PDSS1: variants seen among roughly 807,000 people sequenced by gnomAD.
PDSS1 encodes all trans-polyprenyl-diphosphate synthase PDSS1.
A neutral mutation model predicts 57.5 loss-of-function variants in PDSS1; 43 were observed. The ratio of observed to expected loss-of-function variants is 0.75; its 90% CI spans 0.59 to 0.96. PDSS1 has a LOEUF of 0.96. Among genes scored for constraint, PDSS1 ranks in the 50% least tolerant of loss-of-function variants. The probability of loss-of-function intolerance (pLI) is 0.00; values close to 1 mark genes in which losing one functional copy is unlikely to be tolerated. For missense variants in PDSS1, 438 were observed against 527.8 expected, an observed-to-expected ratio of 0.83 and a Z score of 1.67; for synonymous variants, 175 against 191.3, an observed-to-expected ratio of 0.91 and a Z score of 0.70.
chr10:26,714,612 G>A (rs1835504700), intron 5 of PDSS1: 1 of 152,216 alleles, frequency 6.6e-6, no homozygotes, highest in African/African-American at 2.4e-5. Context: ...CCTCATTGAA[G>A]ACACTGTTAT....
intron 10 of PDSS1, among the ~76,000 whole-genome samples, chr10:26,738,929 A>G (rs1409130756): frequency 6.6e-6 from 1 of 152,250 alleles, no homozygotes; most frequent in African/African-American, 2.4e-5. Context: ...CTCTTTAAGA[A>G]TAAAAACCTC....
At chr10:26,728,257 C>T (rs1041126988) in intron 8 of PDSS1, among the ~76,000 whole-genome samples, 7 of 152,018 alleles carry the variant, frequency 4.6e-5, no homozygotes, top group African/African-American at 9.7e-5. Context: ...TTTGGGAGGC[C>T]GAGGCAGGTA....
chr10:26,703,757 C>T (rs1439895776), intron 2 of PDSS1, among the ~76,000 whole-genome samples: 1 of 152,038 alleles, frequency 6.6e-6, no homozygotes, highest in Non-Finnish European at 1.5e-5. Flanking sequence ...ACTACTTTGA[C>T]TGGTGTCTGG....
At chr10:26,707,111 A>G (rs1426753657) in intron 4 of PDSS1, among the ~76,000 whole-genome samples, 1 of 152,080 alleles carries the variant, frequency 6.6e-6, no homozygotes, top group Non-Finnish European at 1.5e-5. Context: ...GGCTGCCCGC[A>G]TGCGCAGTGG....
intron 10 of PDSS1, among the ~76,000 whole-genome samples, chr10:26,737,107 A>G (rs1486370995): frequency 6.6e-6 from 1 of 152,240 alleles, no homozygotes; most frequent in Non-Finnish European, 1.5e-5. Flanking sequence ...ACCTAGGCTC[A>G]GATTATCAGG....
At chr10:26,735,643 C>G in intron 10 of PDSS1, 64 bp downstream of exon 10, 1 of 903,172 alleles carries the variant, frequency 1.1e-6, no homozygotes, top group Non-Finnish European at 1.9e-6. Flanking sequence ...TGTCCCGCGG[C>G]ACAGCTGATG....
intron 1 of PDSS1, among the ~76,000 whole-genome samples, chr10:26,700,214 C>T (rs1273172494): frequency 2.0e-5 from 3 of 151,328 alleles, no homozygotes; most frequent in East Asian, 3.9e-4. Context: ...TTGTGTTGGC[C>T]AGGTTGGTCT....
intron 1 of PDSS1, among the ~76,000 whole-genome samples, chr10:26,699,641 C>G (rs1834984335): frequency 1.3e-5 from 2 of 152,062 alleles, no homozygotes; most frequent in African/African-American, 4.8e-5. Context: ...GTGATCCACC[C>G]CCTCCTCGGC....
intron 4 of PDSS1, among the ~76,000 whole-genome samples, chr10:26,706,428 C>T (rs769145096): frequency 2.0e-5 from 3 of 152,196 alleles, no homozygotes; most frequent in Non-Finnish European, 4.4e-5. Context: ...TGCGCCTTCT[C>T]TGGCGATTGC....
intron 1 of PDSS1, among the ~76,000 whole-genome samples, chr10:26,698,949 C>T (rs572119501): frequency 6.6e-6 from 1 of 152,270 alleles, no homozygotes; most frequent in South Asian, 2.1e-4. Context: ...CATAGCAAGA[C>T]TCTGTCTCTA....
chr10:26,727,535 G>T (rs1835999857), intron 8 of PDSS1, among the ~76,000 whole-genome samples: 1 of 144,796 alleles, frequency 6.9e-6, no homozygotes, highest in African/African-American at 2.6e-5. Flanking sequence ...TCGCTCTGTT[G>T]CCCAGGCTGG....
At chr10:26,697,961 T>G in intron 1 of PDSS1, 121 bp downstream of exon 1, 1 of 942,792 alleles carries the variant, frequency 1.1e-6, no homozygotes, top group African/African-American at 1.7e-5. Context: ...GCGGGGTAGC[T>G]CCGGGGTAGC....
rs1203931422 is a variant in PDSS1 at position 26,704,083 on chromosome 10, C to CAAAAA, written c.163-579_163-575dup. On this transcript the variant is annotated intron_variant, in intron 2 of 11. Transcript: ENST00000376215. ...GACGACAGAACGAGACTCCGTCTCA[C>CAAAAA]AAAAAAAAAAAAAAAAAAATATGGC... 6.8e-4 allele frequency among the ~76,000 whole-genome samples: 21 copies of CAAAAA among 31,064 alleles called. 2 individuals carry two copies. In the East Asian group the frequency reaches 0.011, roughly 16 times the overall value. The allele number at this position is 31,064 out of a possible 152,430, so 20.4% of individuals were successfully genotyped here. A position where few individuals can be genotyped will look rare whatever the true frequency, so the allele number is the denominator to read the frequency against.
chr10:26,702,594 G>A lies in PDSS1; in HGVS notation c.162+400G>A, dbSNP rs543124929. 1.1e-4 allele frequency among the ~76,000 whole-genome samples: 17 copies of A among 152,266 alleles called. No homozygotes were observed. In the South Asian group the frequency reaches 2.1e-3, roughly 19 times the overall value. ...TAAGTTTCTTGAGGCCTCCCTAGCCGTTTGGAACTGTGAGTCAGTTACACC... is the reference window on the plus strand; with the variant it reads ...TAAGTTTCTTGAGGCCTCCCTAGCCATTTGGAACTGTGAGTCAGTTACACC... On this transcript the variant is annotated intron_variant, in intron 2 of 11. Coordinates refer to ENST00000376215, the MANE Select transcript of PDSS1 (RefSeq NM_014317.5).
intron 5 of PDSS1, among the ~76,000 whole-genome samples, chr10:26,713,568 T>C (rs1835463680): frequency 6.6e-6 from 1 of 152,122 alleles, no homozygotes; most frequent in South Asian, 2.1e-4. Context: ...TTTGGATTTT[T>C]TGGGGAAGGA....
intron 8 of PDSS1, among the ~76,000 whole-genome samples, chr10:26,725,830 T>A (rs895853244): frequency 6.6e-6 from 1 of 152,226 alleles, no homozygotes; most frequent in East Asian, 1.9e-4. Flanking sequence ...AATCCCAGCA[T>A]TTAGGGAGAC....
At chr10:26,736,130 A>G (rs898256552) in intron 10 of PDSS1, among the ~76,000 whole-genome samples, 1 of 152,204 alleles carries the variant, frequency 6.6e-6, no homozygotes, top group African/African-American at 2.4e-5. Context: ...GTAGACCCAC[A>G]TAGTTCCTTC....
chr10:26,704,455 A>G (rs992393234), intron 2 of PDSS1, among the ~76,000 whole-genome samples: 1 of 152,156 alleles, frequency 6.6e-6, no homozygotes, highest in Non-Finnish European at 1.5e-5. Context: ...TGGACTGAAG[A>G]TGGTTTTTAT....
At chr10:26,724,871 C>T (rs1381807764) in intron 8 of PDSS1, among the ~76,000 whole-genome samples, 2 of 152,164 alleles carry the variant, frequency 1.3e-5, no homozygotes, top group African/African-American at 4.8e-5. Context: ...AGCCATTGCA[C>T]CTGGCCAATA....
Sources: gnomAD v4.1 joint callset for allele counts (sites outside exome capture counted in the v4.1 genomes callset) on GRCh38, gnomAD v4.1.1 for gene constraint, MANE v1.5 for transcripts, NCBI Gene and HGNC (gene_info 2026-07-23, HGNC 2026-07-21) for gene names.